NIPAL3: variants seen among roughly 807,000 people sequenced by gnomAD.
NIPAL3 encodes the protein NIPA-like protein 3.
In NIPAL3, 41 loss-of-function variants were observed where a neutral mutation model predicts 47.2. That is an observed-to-expected ratio of 0.87 (90% CI 0.68 to 1.13). The LOEUF (loss-of-function observed/expected upper bound fraction) is 1.13, where lower values mean the gene tolerates loss of function less well. Among genes scored for constraint, NIPAL3 ranks in the 50% most tolerant of loss-of-function variants. The pLI is 0.00. For synonymous variants in NIPAL3, 194 were observed against 209.6 expected, an observed-to-expected ratio of 0.93 and a Z score of 0.64; for missense variants, 449 against 530.1, an observed-to-expected ratio of 0.85 and a Z score of 1.50.
chr1:24,449,147 A>G lies in NIPAL3; in HGVS notation c.395-334A>G, dbSNP rs1012112259. ...CCCTGAGGGTGGGGTCTAGTAATCA[A>G]TTTCACAAATGAGAAATTTCAGTAT... On this transcript the variant is annotated intron_variant, in intron 5 of 11. Coordinates refer to ENST00000374399, the MANE Select transcript of NIPAL3 (RefSeq NM_020448.5). The surrounding 1 kb of genome is among the most constrained non-coding windows in gnomAD (Gnocchi z 4.5). Among the ~76,000 whole-genome samples, 5 of 152,216 alleles carry G rather than the reference A, an allele frequency of 3.3e-5. No individual in the cohort carries two copies. Among genetic ancestry groups the G allele is most frequent in the Admixed American group, 2.0e-4 (3 of 15,286 alleles).
chr1:24,458,800 C>A, intron 8 of NIPAL3, 88 bp from the exon 9 acceptor site: 1 of 996,622 alleles, frequency 1.0e-6, no homozygotes, highest in Non-Finnish European at 1.6e-6. Context: ...GTATCATCTT[C>A]ATATTTCAAA....
At chr1:24,447,600 T>C (rs191315247) in intron 5 of NIPAL3, among the ~76,000 whole-genome samples, 2 of 152,230 alleles carry the variant, frequency 1.3e-5, no homozygotes, top group East Asian at 3.9e-4. Flanking sequence ...GTAGAGACTT[T>C]GGAGCTACTG....
At position 24,416,193 on chromosome 1, in the gene NIPAL3, G is replaced by T; in HGVS notation, c.-258+289G>T. 1.0e-6 allele frequency: 1 copy of T among 985,724 alleles called. No individual in the cohort carries two copies. Among genetic ancestry groups the T allele is most frequent in the Non-Finnish European group, 1.2e-6 (1 of 830,188 alleles). The allele number at this position is 985,724 out of a possible 1,614,324, so 61.1% of individuals were successfully genotyped here. A position where few individuals can be genotyped will look rare whatever the true frequency, so the allele number is the denominator to read the frequency against. On this transcript the variant is annotated intron_variant, in intron 1 of 11. Coordinates refer to ENST00000374399, the MANE Select transcript of NIPAL3 (RefSeq NM_020448.5). The surrounding 1 kb of genome is among the most constrained non-coding windows in gnomAD (Gnocchi z 4.8). ...GAATTTCTCCTCTTCGTGCCGAGCG[G>T]CTCGGGCTTCCTGGCGGCAGCAGAT...
intron 2 of NIPAL3, among the ~76,000 whole-genome samples, chr1:24,433,652 C>A (rs1388527139): frequency 6.6e-6 from 1 of 152,144 alleles, no homozygotes; most frequent in Admixed American, 6.5e-5. Context: ...GAAACATAAA[C>A]TGAGTTCCTT....
Position 24,456,217 on chromosome 1 carries a change from C to T in NIPAL3, c.717C>T (p.Tyr239=), listed in dbSNP as rs750206190. The stretch of plus-strand genomic sequence containing the variant: ...TTCAAGGGAACCTGCAGCTTGACTA[C>T]CCCATCTTCTACGTGATGTTCGTGT... The part of the protein sequence containing the change: ...LSIQGNLQLD[Y]PIFYVMFVCM... The change falls in exon 8 of 12, where the codon TAC becomes TAT. Residue 239 remains tyrosine (Y), a synonymous_variant. Coordinates refer to ENST00000374399, the MANE Select transcript of NIPAL3 (RefSeq NM_020448.5). The T allele has an allele frequency of 4.3e-6, 7 of 1,614,098 alleles. No homozygotes were observed. The African/African-American group carries it at 8.0e-5, about 18-fold the overall frequency.
At chr1:24,417,728 G>A (rs913506951) in intron 1 of NIPAL3, among the ~76,000 whole-genome samples, 3 of 152,202 alleles carry the variant, frequency 2.0e-5, no homozygotes, top group African/African-American at 7.2e-5. Context: ...ACCTGCATTT[G>A]TTGTATCCCA....
rs1646855576 is a variant in NIPAL3 at position 24,470,176 on chromosome 1, G to A, written c.*991G>A. ...CTTGAAGTCAATAGAGACTCTCTGG[G>A]TCCTCATCCCCATGCATATATGTCT... On this transcript the variant is annotated 3_prime_UTR_variant, in exon 12 of 12. Transcript: ENST00000374399. The A allele has an allele frequency of 6.6e-6, 1 of 152,150 alleles. No homozygotes were observed. Among genetic ancestry groups the A allele is most frequent in the Non-Finnish European group, 1.5e-5 (1 of 68,030 alleles). 9.4% of individuals were successfully genotyped at this position (152,150 alleles called of 1,614,324 possible).
intron 2 of NIPAL3, among the ~76,000 whole-genome samples, chr1:24,436,884 A>G (rs1407713983): frequency 6.6e-6 from 1 of 152,172 alleles, no homozygotes; most frequent in Admixed American, 6.5e-5. Context: ...CCATCTTCCC[A>G]GAAGCAGATG....
chr1:24,428,117 G>C (rs961998291), intron 2 of NIPAL3, among the ~76,000 whole-genome samples: 1 of 152,142 alleles, frequency 6.6e-6, no homozygotes, highest in African/African-American at 2.4e-5. Context: ...GCATGCACCT[G>C]TAGTCCCAGC....
chr1:24,460,388 A>G (rs756880759), intron 9 of NIPAL3, 93 bp from the exon 10 acceptor site: 4 of 1,007,188 alleles, frequency 4.0e-6, no homozygotes, highest in Non-Finnish European at 5.9e-6. Flanking sequence ...TTAGTTTCCT[A>G]AATGGAAGAG....
chr1:24,458,204 A>G (rs1646311876), intron 8 of NIPAL3, among the ~76,000 whole-genome samples: 1 of 152,208 alleles, frequency 6.6e-6, no homozygotes, highest in Admixed American at 6.5e-5. Flanking sequence ...AGGCAGGAGC[A>G]TTTGAGCCCC....
rs748443061 is a variant in NIPAL3, at chr1:24,456,147, C to T, written c.647C>T (p.Thr216Ile). Residue 216 changes from threonine to isoleucine, a missense_variant, in exon 8 of 12, where the codon ACA (threonine) becomes ATA (isoleucine). Coordinates refer to ENST00000374399, the MANE Select transcript of NIPAL3 (RefSeq NM_020448.5). ...LLLVALLGSM[T>I]VVTVKAVAGM... is the part of the protein sequence containing the mutation. Reference sequence around the variant, plus strand: ...TGTCTCCCATCTGCAGGCTCCATGACAGTGGTGACAGTCAAGGCCGTGGCT... The same window carrying T: ...TGTCTCCCATCTGCAGGCTCCATGATAGTGGTGACAGTCAAGGCCGTGGCT... 1 of 1,614,202 alleles carries T rather than the reference C, an allele frequency of 6.2e-7. No homozygotes were observed. The highest frequency in any genetic ancestry group is 8.5e-7 in the Non-Finnish European group (1 of 1,180,024).
rs756274253 is a variant in NIPAL3, at chr1:24,458,910, A to G, written c.796A>G (p.Met266Val). The G allele has an allele frequency of 1.2e-6, 2 of 1,614,108 alleles. No homozygotes were observed. Among genetic ancestry groups the G allele is most frequent in the Non-Finnish European group, 1.7e-6 (2 of 1,179,986 alleles). ...QAAFLSQASQ[M>V]YDSSLIASVG... ...AAGGTTTTTGAGTCAAGCCTCACAGATGTACGACTCCTCTTTGATTGCCAG... is the reference window on the plus strand; with the variant it reads ...AAGGTTTTTGAGTCAAGCCTCACAGGTGTACGACTCCTCTTTGATTGCCAG... The change falls in exon 9 of 12, where the codon ATG (methionine) becomes GTG (valine). Residue 266 changes from methionine (M) to valine (V), a missense_variant. By Grantham distance (21) the Met-to-Val change is conservative (BLOSUM62 1). Coordinates refer to ENST00000374399, the MANE Select transcript of NIPAL3 (RefSeq NM_020448.5).
chr1:24,435,994 G>A (rs926788286), intron 2 of NIPAL3, among the ~76,000 whole-genome samples: 3 of 152,196 alleles, frequency 2.0e-5, no homozygotes, highest in Non-Finnish European at 4.4e-5. Flanking sequence ...CTGTCCTCAC[G>A]TGATGGAAGG....
Position 24,457,501 on chromosome 1 carries a change from C to T in NIPAL3, c.773+1228C>T, listed in dbSNP as rs541723194. Among the ~76,000 whole-genome samples, 193 of 152,364 alleles carry T rather than the reference C, an allele frequency of 1.3e-3. 1 individual carries two copies. The highest frequency in any genetic ancestry group is 4.4e-3 in the African/African-American group (183 of 41,586). On this transcript the variant is annotated intron_variant, in intron 8 of 11. Coordinates refer to ENST00000374399, the MANE Select transcript of NIPAL3 (RefSeq NM_020448.5). Reference sequence around the variant, plus strand: ...ACATGGCCTCCAGGCACCATAGGAGCAGCTGCTGCTGGCCCGGTGTGAGCC... The same window carrying T: ...ACATGGCCTCCAGGCACCATAGGAGTAGCTGCTGCTGGCCCGGTGTGAGCC...
intron 3 of NIPAL3, among the ~76,000 whole-genome samples, chr1:24,441,106 A>C (rs577087515): frequency 2.6e-5 from 4 of 152,128 alleles, no homozygotes; most frequent in Non-Finnish European, 5.9e-5. Context: ...TGCTAACAGG[A>C]TGAATCCCAC....
intron 7 of NIPAL3, among the ~76,000 whole-genome samples, chr1:24,455,354 A>C (rs1646145001): frequency 1.3e-5 from 2 of 152,184 alleles, no homozygotes; most frequent in African/African-American, 4.8e-5. Flanking sequence ...AACTTCAATC[A>C]TTTTTTCTCT....
chr1:24,413,708 CA>C (rs1187569979), upstream of NIPAL3: 4 of 152,306 alleles, frequency 2.6e-5, no homozygotes, highest in Non-Finnish European at 5.9e-5. Flanking sequence ...CTGGCCAGCC[CA>C]ACCTCCCGGT....
chr1:24,461,406 A>G (rs1646462422), intron 10 of NIPAL3, among the ~76,000 whole-genome samples: 1 of 151,182 alleles, frequency 6.6e-6, no homozygotes, highest in Admixed American at 6.6e-5. Flanking sequence ...GTTGGGCATG[A>G]TGGTGCATGC....
Sources: allele counts gnomAD v4.1 joint callset (sites outside exome capture counted in the v4.1 genomes callset), GRCh38; gene constraint gnomAD v4.1.1; non-coding constraint Gnocchi (gnomAD v3.1); transcripts MANE v1.5; gene names NCBI Gene and HGNC (gene_info 2026-07-23, HGNC 2026-07-21).